Variants in SCLY observed in about 807,000 individuals in gnomAD.
SCLY encodes the protein selenocysteine lyase.
SCLY carries 38 observed loss-of-function variants against 50.1 expected under a neutral mutation model. That is an observed-to-expected ratio of 0.76 (90% CI 0.59 to 0.99). The LOEUF (loss-of-function observed/expected upper bound fraction) is 0.99, where lower values mean the gene tolerates loss of function less well. Ranked by LOEUF, SCLY falls within the 50% of genes least tolerant of loss-of-function variation. The pLI is 0.00. For synonymous variants in SCLY, 243 were observed against 249.4 expected, an observed-to-expected ratio of 0.97 and a Z score of 0.24; for missense variants, 600 against 620.0, an observed-to-expected ratio of 0.97 and a Z score of 0.34.
chr2:238,072,518 C>G (rs2065137741), intron 4 of SCLY, among the ~76,000 whole-genome samples: 1 of 152,180 alleles, frequency 6.6e-6, no homozygotes, highest in Non-Finnish European at 1.5e-5. Flanking sequence ...TCACAGGGTT[C>G]CAATTCCTCC....
intron 4 of SCLY, among the ~76,000 whole-genome samples, chr2:238,077,955 T>C (rs1041462808): frequency 4.3e-5 from 6 of 140,910 alleles, no homozygotes; most frequent in African/African-American, 8.6e-5. Flanking sequence ...TAGATTCTCT[T>C]TTTTTTTTTT....
chr2:238,098,040 G>A (rs1472983107), intron 11 of SCLY, 162 bp from the exon 12 acceptor site: 9 of 751,718 alleles, frequency 1.2e-5, no homozygotes, highest in Non-Finnish European at 1.9e-5. Context: ...TGATCTTAGG[G>A]GTGTGCTTGG....
At position 238,098,640 on chromosome 2, in the gene SCLY, C is replaced by CCCACATAGAACCGTCCACATAGAACCGT; in HGVS notation, c.*291_*292insAGAACCGTCCACATAGAACCGTCCACAT. On this transcript the variant is annotated 3_prime_UTR_variant, in exon 12 of 12. Coordinates refer to ENST00000254663, the MANE Select transcript of SCLY (RefSeq NM_016510.7). The stretch of plus-strand genomic sequence containing the variant: ...ACATGGGACCGCCCACATGGGACCG[C>CCCACATAGAACCGTCCACATAGAACCGT]CCACATGGGACCGCCCACATAGAAC... 3.1e-5 allele frequency: 11 copies of CCCACATAGAACCGTCCACATAGAACCGT among 352,108 alleles called. No individual in the cohort carries two copies. In the East Asian group the frequency reaches 3.4e-4, roughly 11 times the overall value. 21.8% of individuals were successfully genotyped at this position (352,108 alleles called of 1,614,324 possible).
At chr2:238,094,610 C>A in intron 10 of SCLY, 88 bp downstream of exon 10, 1 of 1,144,364 alleles carries the variant, frequency 8.7e-7, no homozygotes, top group Non-Finnish European at 1.3e-6. Context: ...CTCCCACTCG[C>A]CCTGCCCTGA....
chr2:238,093,750 T>C (rs2065394069), intron 8 of SCLY, 111 bp from the exon 9 acceptor site: 1 of 997,324 alleles, frequency 1.0e-6, no homozygotes, highest in Admixed American at 2.0e-5. Context: ...TGTCTGTGAC[T>C]GTCAGGAGAA....
At chr2:238,065,660 T>TTTTTATTATTATTATTA (rs71402758) in intron 2 of SCLY, among the ~76,000 whole-genome samples, 2 of 143,512 alleles carry the variant, frequency 1.4e-5, no homozygotes, top group African/African-American at 5.2e-5. Flanking sequence ...AATATTTTAT[T>TTTTTATTATTATTATTA]TTATTATTAT....
Position 238,098,605 on chromosome 2 carries a change from A to AGGACCGCCCACATAGAACCGTCCACATG in SCLY, c.*263_*264insAGAACCGTCCACATGGGACCGCCCACAT. 1 of 306,570 alleles carries AGGACCGCCCACATAGAACCGTCCACATG rather than the reference A, an allele frequency of 3.3e-6. No homozygotes were observed. Among genetic ancestry groups the AGGACCGCCCACATAGAACCGTCCACATG allele is most frequent in the East Asian group, 4.7e-5 (1 of 21,442 alleles). 19.0% of individuals were successfully genotyped at this position (306,570 alleles called of 1,614,324 possible). A position where few individuals can be genotyped will look rare whatever the true frequency, so the allele number is the denominator to read the frequency against. On this transcript the variant is annotated 3_prime_UTR_variant, in exon 12 of 12. Transcript: ENST00000254663. ...ACCGCCCACATAGGACCGCCCACAT[A>AGGACCGCCCACATAGAACCGTCCACATG]GGACCGCCCACATGGGACCGCCCAC... is the stretch of plus-strand genomic sequence containing the variant.
chr2:238,085,437 G>A (rs2264133), intron 7 of SCLY, among the ~76,000 whole-genome samples: 48,745 of 151,268 alleles, frequency 0.32, 8,009 homozygotes, highest in East Asian at 0.52. Context: ...GTGGGTCTTC[G>A]GCTGGGTGCT....
chr2:238,088,468 G>A (rs111937950), intron 7 of SCLY, among the ~76,000 whole-genome samples: 2 of 151,944 alleles, frequency 1.3e-5, no homozygotes, highest in Non-Finnish European at 2.9e-5. Flanking sequence ...CTCAAAAAAA[G>A]AAAAGAAAAG....
chr2:238,094,029 C>T, intron 9 of SCLY, 85 bp downstream of exon 9: 1 of 1,214,724 alleles, frequency 8.2e-7, no homozygotes, highest in Non-Finnish European at 1.2e-6. Context: ...GCTCCCAGAC[C>T]CCAGGACCTG....
Position 238,061,006 on chromosome 2 carries a change from T to A in SCLY, c.-49T>A. 1 of 1,319,922 alleles carries A rather than the reference T, an allele frequency of 7.6e-7. No homozygotes were observed. Among genetic ancestry groups the A allele is most frequent in the East Asian group, 3.1e-5 (1 of 31,976 alleles). The allele number at this position is 1,319,922 out of a possible 1,614,324, so 81.8% of individuals were successfully genotyped here. On this transcript the variant is annotated 5_prime_UTR_variant, in exon 1 of 12. Transcript: ENST00000254663. ...CCTCCTCCCCGGCGCTCTGGGCCCGTAGCGCTCCGCGGGAAGGAGGCTGGA... is the reference window on the plus strand; with the variant it reads ...CCTCCTCCCCGGCGCTCTGGGCCCGAAGCGCTCCGCGGGAAGGAGGCTGGA...
intron 7 of SCLY, among the ~76,000 whole-genome samples, chr2:238,084,907 A>AAAAAG (rs1220937183): frequency 3.0e-5 from 4 of 134,362 alleles, no homozygotes; most frequent in Non-Finnish European, 6.3e-5. Context: ...AAAAAAAAAA[A>AAAAAG]AAAAGAAACC....
chr2:238,076,447 C>T (rs892318190), intron 4 of SCLY, among the ~76,000 whole-genome samples: 2 of 149,930 alleles, frequency 1.3e-5, no homozygotes, highest in African/African-American at 2.5e-5. Context: ...CTAAGCACTG[C>T]TTTAACTACA....
In SCLY at chr2:238,083,245, C is replaced by T. The variant is rs2065256541; in HGVS notation, c.778-3C>T. ...TGAATAAATGACCAACTTTTCCTTC[C>T]AGTTTTATGGTCCCAGGATTGGCGC... is the stretch of plus-strand genomic sequence containing the variant. On this transcript the variant is annotated splice_polypyrimidine_tract_variant and splice_region_variant and intron_variant, in intron 6 of 11. Coordinates refer to ENST00000254663, the MANE Select transcript of SCLY (RefSeq NM_016510.7). This position sits in a 1 kb window ranked among gnomAD's most constrained non-coding sequence, Gnocchi z 4.3. The T allele has an allele frequency of 6.2e-7, 1 of 1,605,170 alleles. No homozygotes were observed. The highest frequency in any genetic ancestry group is 8.5e-7 in the Non-Finnish European group (1 of 1,172,092).
chr2:238,098,348 A>G lies in SCLY; in HGVS notation c.1331A>G (p.Gln444Arg), dbSNP rs1691283766. Residue 444 changes from glutamine to arginine, a missense_variant, in exon 12 of 12, where the codon CAG becomes CGG. Gln to Arg is a conservative substitution (Grantham distance 43, BLOSUM62 1). Transcript: ENST00000254663. Reference sequence around the variant, plus strand: ...CAGGCCGTGGCGCAGCTGGAGGACCAGGCCTAGCACTGGGGCCGCCTTCCC... The same window carrying G: ...CAGGCCGTGGCGCAGCTGGAGGACCGGGCCTAGCACTGGGGCCGCCTTCCC... The part of the protein sequence containing the change: ...LKQAVAQLED[Q>R]A The G allele has an allele frequency of 2.5e-6, 4 of 1,599,128 alleles. No homozygotes were observed. The highest frequency in any genetic ancestry group is 3.4e-5 in the Admixed American group (2 of 59,606).
At chr2:238,072,819 A>G (rs902967931) in intron 4 of SCLY, among the ~76,000 whole-genome samples, 20 of 152,152 alleles carry the variant, frequency 1.3e-4, no homozygotes, top group African/African-American at 4.3e-4. Context: ...ATTTTCTCTC[A>G]TTCTGTGGGT....
chr2:238,076,850 A>AT (rs1476819488), intron 4 of SCLY, among the ~76,000 whole-genome samples: 3 of 151,620 alleles, frequency 2.0e-5, no homozygotes, highest in South Asian at 2.1e-4. Context: ...AAATTCTTTA[A>AT]TTTTTTTTAT....
In SCLY at chr2:238,066,599, G is replaced by A. The variant is rs1026679605; in HGVS notation, c.203-1466G>A. ...GCCTTGGCTTGGTTGGTGGCTGGGC[G>A]GTGGAGAGGCAGAGTCAGGTTTGGA... On this transcript the variant is annotated intron_variant, in intron 2 of 11. Coordinates refer to ENST00000254663, the MANE Select transcript of SCLY (RefSeq NM_016510.7). This position sits in a 1 kb window ranked among gnomAD's most constrained non-coding sequence, Gnocchi z 4.1. Among the ~76,000 whole-genome samples, 12 of 152,212 alleles carry A rather than the reference G, an allele frequency of 7.9e-5. No individual in the cohort carries two copies. Among genetic ancestry groups the A allele is most frequent in the Admixed American group, 2.0e-4 (3 of 15,288 alleles).
intron 4 of SCLY, 126 bp from the exon 5 acceptor site, chr2:238,081,583 T>C: frequency 7.5e-7 from 1 of 1,332,950 alleles, no homozygotes; most frequent in South Asian, 1.4e-5. Context: ...TTCTTCTTTA[T>C]AGTCTTCTGA....
Sources: allele counts gnomAD v4.1 joint callset (sites outside exome capture counted in the v4.1 genomes callset), GRCh38; gene constraint gnomAD v4.1.1; non-coding constraint Gnocchi (gnomAD v3.1); transcripts MANE v1.5; gene names NCBI Gene and HGNC (gene_info 2026-07-23, HGNC 2026-07-21).